OR7E24: variants seen among roughly 807,000 people sequenced by gnomAD.
OR7E24 encodes the protein olfactory receptor family 7 subfamily E member 24.
For synonymous variants in OR7E24, 130 were observed against 157.5 expected, an observed-to-expected ratio of 0.83 and a Z score of 1.31; for missense variants, 385 against 410.3, an observed-to-expected ratio of 0.94 and a Z score of 0.53.
the OR7E24 span, among the ~76,000 whole-genome samples, chr19:9,218,881 G>T: frequency 4.0e-4 from 61 of 152,126 alleles, no homozygotes; most frequent in East Asian, 8.3e-3. Flanking sequence ...TGATCTGCCC[G>T]CCTCGGCCTC....
chr19:9,249,704 G>A (rs796573285), upstream of OR7E24, among the ~76,000 whole-genome samples: 3 of 152,276 alleles, frequency 2.0e-5, no homozygotes, highest in African/African-American at 7.2e-5. Flanking sequence ...TGTAATCCCA[G>A]CACTTTGAAA....
At chr19:9,250,844 A>C (rs1450524846), upstream of OR7E24, 5 of 473,726 alleles carry the variant, frequency 1.1e-5, no homozygotes, top group South Asian at 4.0e-5. Context: ...CTCTCCTAAC[A>C]TTCTTCAATA....
At chr19:9,213,694 C>T in the OR7E24 span, 6 of 544,210 alleles carry the variant, frequency 1.1e-5, no homozygotes, top group South Asian at 2.2e-5. Flanking sequence ...GCCAAGATTG[C>T]ACCACTGCAC....
At position 9,252,061 on chromosome 19, in the gene OR7E24, T is replaced by C. The variant is rs1163431671; in HGVS notation, c.1018T>C (p.Ter340GlnextTer48). Residue 340 changes from the stop codon to glutamine (Q), a stop_lost, in exon 1 of 1, where the codon TAG becomes CAG. Coordinates refer to ENST00000456448, the MANE Select transcript of OR7E24 (RefSeq NM_001079935.2). The part of the protein sequence containing the change: ...HHLHPFCYMG[*>Q] ...TCTCCATCCTTTTTGTTATATGGGA[T>C]AGAAATGGCAGCAAAATTTAACACC... 1 of 1,610,122 alleles carries C rather than the reference T, an allele frequency of 6.2e-7. No individual in the cohort carries two copies. Among genetic ancestry groups the C allele is most frequent in the Non-Finnish European group, 8.5e-7 (1 of 1,177,346 alleles).
chr19:9,246,605 C>T (rs1286482179), upstream of OR7E24, among the ~76,000 whole-genome samples: 3 of 151,738 alleles, frequency 2.0e-5, no homozygotes, highest in African/African-American at 7.3e-5. Context: ...GCGACACAAG[C>T]GTCCACCAAC....
chr19:9,239,720 T>G, the OR7E24 span, among the ~76,000 whole-genome samples: 1 of 145,920 alleles, frequency 6.9e-6, no homozygotes, highest in Admixed American at 6.8e-5. Flanking sequence ...TTTTTTTTTT[T>G]TTTTTTGAGT....
the OR7E24 span, chr19:9,212,668 A>C: frequency 6.6e-6 from 1 of 152,170 alleles, no homozygotes; most frequent in Non-Finnish European, 1.5e-5. Flanking sequence ...TGGCCAGTAT[A>C]TTACTAGGAA....
At chr19:9,238,098 G>A in the OR7E24 span, among the ~76,000 whole-genome samples, 4 of 152,108 alleles carry the variant, frequency 2.6e-5, no homozygotes, top group East Asian at 1.9e-4. Flanking sequence ...CCAACATGGC[G>A]AAATCCCATC....
At chr19:9,217,968 G>C in the OR7E24 span, among the ~76,000 whole-genome samples, 2 of 152,292 alleles carry the variant, frequency 1.3e-5, no homozygotes, top group African/African-American at 2.4e-5. Context: ...CAGTGAGATG[G>C]GGAGCAGGGA....
chr19:9,239,712 T>C, the OR7E24 span, among the ~76,000 whole-genome samples: 8 of 144,922 alleles, frequency 5.5e-5, no homozygotes, highest in South Asian at 2.2e-4. Context: ...TTTTTCTTTT[T>C]TTTTTTTTTT....
chr19:9,226,947 T>C, the OR7E24 span, among the ~76,000 whole-genome samples: 1 of 152,140 alleles, frequency 6.6e-6, no homozygotes, highest in Non-Finnish European at 1.5e-5. Flanking sequence ...GTCACATAGG[T>C]AAACTGGGTC....
the OR7E24 span, among the ~76,000 whole-genome samples, chr19:9,217,535 GGTTTGTTT>G: frequency 1.3e-5 from 2 of 151,822 alleles, no homozygotes; most frequent in Admixed American, 1.3e-4. Context: ...ATGGATCATT[GGTTTGTTT>G]GTTTGTTTGT....
the OR7E24 span, chr19:9,212,079 A>G: frequency 7.2e-5 from 11 of 152,152 alleles, no homozygotes; most frequent in African/African-American, 2.7e-4. Context: ...GTGCGTAGAT[A>G]GTAGCTGTAT....
chr19:9,239,338 A>AT, the OR7E24 span, among the ~76,000 whole-genome samples: 3 of 151,322 alleles, frequency 2.0e-5, no homozygotes, highest in African/African-American at 4.9e-5. Context: ...CCTGGCAAAT[A>AT]TTTTTTGTAT....
chr19:9,218,150 A>G, the OR7E24 span, among the ~76,000 whole-genome samples: 1 of 152,256 alleles, frequency 6.6e-6, no homozygotes. Context: ...GATTCTGAGC[A>G]AGTACAAATT....
upstream of OR7E24, among the ~76,000 whole-genome samples, chr19:9,249,281 G>T (rs1181176762): frequency 6.6e-6 from 1 of 152,110 alleles, no homozygotes; most frequent in East Asian, 1.9e-4. Flanking sequence ...ATCTTGCTTG[G>T]TACAGAGGAG....
chr19:9,215,984 A>G, the OR7E24 span, among the ~76,000 whole-genome samples: 1 of 152,192 alleles, frequency 6.6e-6, no homozygotes, highest in Non-Finnish European at 1.5e-5. Flanking sequence ...GGTGGAAGGC[A>G]AGGAGGAGCA....
At chr19:9,230,231 G>T in the OR7E24 span, among the ~76,000 whole-genome samples, 1 of 152,142 alleles carries the variant, frequency 6.6e-6, no homozygotes, top group East Asian at 1.9e-4. Context: ...TTTTAGTAGA[G>T]ACGGGGTTTC....
the OR7E24 span, among the ~76,000 whole-genome samples, chr19:9,237,424 C>T: frequency 2.6e-5 from 4 of 152,114 alleles, no homozygotes; most frequent in South Asian, 6.2e-4. Context: ...CATTCTCTTG[C>T]CTCAGCCTCC....
Sources: allele counts gnomAD v4.1 joint callset (sites outside exome capture counted in the v4.1 genomes callset), GRCh38; gene constraint gnomAD v4.1.1; transcripts MANE v1.5; gene names NCBI Gene and HGNC (gene_info 2026-07-23, HGNC 2026-07-21).